The following KAZN variants were observed in gnomAD, a reference collection of about 807,000 sequenced individuals.
KAZN encodes kazrin, periplakin interacting protein, also known as kazrin.
A neutral mutation model predicts 87.4 loss-of-function variants in KAZN; 40 were observed. The observed-to-expected ratio is 0.46, with a 90% CI of 0.36 to 0.60. The LOEUF is 0.60. KAZN is among the 20% of genes least tolerant of loss of function. KAZN has a pLI of 0.00. For missense variants in KAZN, 898 were observed against 1,073.9 expected, an observed-to-expected ratio of 0.84 and a Z score of 2.29; for synonymous variants, 466 against 458.3, an observed-to-expected ratio of 1.02 and a Z score of -0.22.
chr1:14,619,229 A>G (rs1678499259), intron 1 of KAZN, among the ~76,000 whole-genome samples: 2 of 151,242 alleles, frequency 1.3e-5, no homozygotes, highest in African/African-American at 4.9e-5. Flanking sequence ...ACAAAATTTT[A>G]CTCTCTTGCC....
intron 1 of KAZN, among the ~76,000 whole-genome samples, chr1:14,867,724 A>AT (rs35065469): frequency 0.33 from 35,994 of 107,540 alleles, 6,041 homozygotes; most frequent in South Asian, 0.46. Context: ...CTTTGAAGAC[A>AT]CCCCCCCCCC....
At chr1:13,967,738 G>A (rs1358403160) in intron 1 of KAZN, among the ~76,000 whole-genome samples, 4 of 152,158 alleles carry the variant, frequency 2.6e-5, no homozygotes, top group African/African-American at 4.8e-5. Flanking sequence ...CACCCAGCCC[G>A]CCAAGCCTTA....
intron 1 of KAZN, among the ~76,000 whole-genome samples, chr1:14,800,499 A>C (rs987909681): frequency 9.2e-5 from 14 of 152,194 alleles, no homozygotes; most frequent in African/African-American, 3.4e-4. Flanking sequence ...CTAGGAGTTC[A>C]AGACTAGCCT....
rs143229766 is a variant in KAZN at position 14,706,335 on chromosome 1, C to T, written c.226+107112C>T. On this transcript the variant is annotated intron_variant, in intron 1 of 14. Coordinates refer to ENST00000376030, the MANE Select transcript of KAZN (RefSeq NM_201628.3). ...ATCATCCCCAAACCATCCCCCCACC[C>T]CGCCAATCTGGGGAAAACCTGTCTT... is the stretch of plus-strand genomic sequence containing the variant. 6.4e-4 allele frequency among the ~76,000 whole-genome samples: 97 copies of T among 152,190 alleles called. 1 individual carries two copies. The East Asian group carries it at 0.018, about 28-fold the overall frequency.
rs151240518 is a variant in KAZN at position 14,661,527 on chromosome 1, A to G, written c.226+62304A>G. On this transcript the variant is annotated intron_variant, in intron 1 of 14. Coordinates refer to ENST00000376030, the MANE Select transcript of KAZN (RefSeq NM_201628.3). ...CTGTAGACAATATGTAAATGAATGG[A>G]TTTGGCTATGTTCCAATAAAACTTT... Among the ~76,000 whole-genome samples, 503 of 152,152 alleles carry G rather than the reference A, an allele frequency of 3.3e-3. 2 individuals are homozygous for G. The highest frequency in any genetic ancestry group is 0.012 in the African/African-American group (478 of 41,512).
intron 2 of KAZN, among the ~76,000 whole-genome samples, chr1:14,493,024 C>T (rs1435219011): frequency 4.6e-5 from 7 of 151,608 alleles, no homozygotes; most frequent in African/African-American, 1.5e-4. Flanking sequence ...CTTCCCTAGA[C>T]GTTCGCACAG....
chr1:15,075,104 A>G (rs1639679298), intron 8 of KAZN, among the ~76,000 whole-genome samples: 1 of 152,114 alleles, frequency 6.6e-6, no homozygotes, highest in Non-Finnish European at 1.5e-5. Context: ...AGGGAGCAAG[A>G]GTTTGGGAGC....
intron 2 of KAZN, among the ~76,000 whole-genome samples, chr1:14,512,617 A>G (rs981684206): frequency 3.9e-5 from 6 of 152,156 alleles, no homozygotes; most frequent in African/African-American, 7.2e-5. Flanking sequence ...AGGAAAATAA[A>G]GCCCCAGAAA....
intron 2 of KAZN, among the ~76,000 whole-genome samples, chr1:14,968,380 C>T (rs542308996): frequency 5.9e-4 from 90 of 152,278 alleles, no homozygotes; most frequent in African/African-American, 2.1e-3. Flanking sequence ...TTCGCTCGCT[C>T]GCCCCTCACC....
intron 5 of KAZN, 64 bp from the exon 6 acceptor site, chr1:15,060,108 C>G: frequency 6.3e-7 from 1 of 1,597,360 alleles, no homozygotes; most frequent in Non-Finnish European, 8.6e-7. Context: ...GGAATAACCG[C>G]CAAGGCAGCA....
intron 1 of KAZN, among the ~76,000 whole-genome samples, chr1:13,894,734 C>A (rs544883127): frequency 3.9e-5 from 6 of 152,170 alleles, no homozygotes; most frequent in Admixed American, 2.6e-4. Context: ...ACTGCACCCC[C>A]CTTCCTGGGG....
intron 10 of KAZN, among the ~76,000 whole-genome samples, chr1:15,100,388 G>A (rs1244099319): frequency 6.6e-6 from 1 of 152,192 alleles, no homozygotes; most frequent in African/African-American, 2.4e-5. Context: ...GGGTGGAGTG[G>A]CTTTGCAAGC....
upstream of KAZN, among the ~76,000 whole-genome samples, chr1:14,595,388 G>A (rs1338693013): frequency 2.0e-5 from 3 of 152,000 alleles, no homozygotes; most frequent in East Asian, 1.9e-4. Context: ...GATAAGAAAC[G>A]TAGACCCGGC....
Position 14,130,608 on chromosome 1 carries a change from A to G in KAZN, c.92-49827A>G, listed in dbSNP as rs900693038. Among the ~76,000 whole-genome samples the G allele has an allele frequency of 2.1e-5, 3 of 142,286 alleles. No individual in the cohort carries two copies. In the Admixed American group the frequency reaches 2.2e-4, roughly 11 times the overall value. 93.3% of individuals were successfully genotyped at this position (142,286 alleles called of 152,430 possible). On this transcript the variant is annotated intron_variant, in intron 1 of 16. Coordinates refer to the KAZN transcript ENST00000636203. ...TGAACCTTCTGCCATCAAAATAATA[A>G]TTAGGCTTGTCCTGAGTAAAAGTAG...
intron 1 of KAZN, among the ~76,000 whole-genome samples, chr1:14,754,653 T>C (rs926887466): frequency 2.6e-5 from 4 of 151,986 alleles, no homozygotes; most frequent in African/African-American, 7.3e-5. Context: ...AAATTCAAAT[T>C]CATTAATCCA....
At chr1:14,437,774 C>T (rs960265941) in intron 2 of KAZN, among the ~76,000 whole-genome samples, 3 of 152,140 alleles carry the variant, frequency 2.0e-5, no homozygotes, top group Non-Finnish European at 4.4e-5. Context: ...GTTTCAAAGA[C>T]ATGCACGGTA....
At chr1:14,978,422 G>A (rs542057677) in intron 2 of KAZN, among the ~76,000 whole-genome samples, 3 of 152,200 alleles carry the variant, frequency 2.0e-5, no homozygotes, top group Non-Finnish European at 4.4e-5. Flanking sequence ...GTGGGGAGGA[G>A]GGTCGACATG....
intron 2 of KAZN, among the ~76,000 whole-genome samples, chr1:14,514,586 T>TC (rs1486553184): frequency 3.5e-4 from 35 of 99,348 alleles, no homozygotes; most frequent in South Asian, 1.4e-3. Context: ...TTATATATTT[T>TC]TTTATATTTT....
intron 1 of KAZN, among the ~76,000 whole-genome samples, chr1:13,980,862 C>G (rs902244862): frequency 6.6e-6 from 1 of 151,772 alleles, no homozygotes. Flanking sequence ...GCTGGGCTCA[C>G]TGGCATCTTT....
Sources: gnomAD v4.1 joint callset for allele counts (sites outside exome capture counted in the v4.1 genomes callset) on GRCh38, gnomAD v4.1.1 for gene constraint, MANE v1.5 for transcripts, NCBI Gene and HGNC (gene_info 2026-07-23, HGNC 2026-07-21) for gene names.